The following TACR1 variants were observed in gnomAD, a reference collection of about 807,000 sequenced individuals.
TACR1 encodes substance-P receptor.
Under a neutral mutation model 35.8 loss-of-function variants are expected in TACR1, and 25 were observed. The observed-to-expected ratio is 0.70, with a 90% CI of 0.51 to 0.98. TACR1 has a LOEUF of 0.98. TACR1 is among the 50% of genes least tolerant of loss of function. The pLI, the probability that TACR1 is intolerant of heterozygous loss-of-function variation, is 0.00. For missense variants in TACR1, 478 were observed against 522.9 expected (o/e 0.91, Z 0.84); for synonymous variants, 195 against 206.7 (o/e 0.94, Z 0.48).
At chr2:75,193,802 A>G (rs1480473705) in intron 1 of TACR1, among the ~76,000 whole-genome samples, 2 of 152,200 alleles carry the variant, frequency 1.3e-5, no homozygotes, top group African/African-American at 2.4e-5. Flanking sequence ...TGTACAACCC[A>G]TATGAAACAT....
chr2:75,056,484 C>T (rs769368231), intron 2 of TACR1, among the ~76,000 whole-genome samples: 6 of 152,336 alleles, frequency 3.9e-5, no homozygotes, highest in East Asian at 1.9e-4. Context: ...CCTGTTTACC[C>T]GGCCTTGCCT....
intron 2 of TACR1, among the ~76,000 whole-genome samples, chr2:75,054,182 A>G (rs1055854900): frequency 3.5e-4 from 54 of 152,188 alleles, no homozygotes; most frequent in Non-Finnish European, 2.2e-4. Context: ...GGAAGTAATT[A>G]TACCACTCAA....
intron 1 of TACR1, among the ~76,000 whole-genome samples, chr2:75,152,037 G>A (rs113550257): frequency 2.0e-5 from 3 of 152,184 alleles, no homozygotes; most frequent in Admixed American, 2.0e-4. Context: ...CCCAATATCT[G>A]TACCCCCATT....
At chr2:75,160,224 G>C (rs918514223) in intron 1 of TACR1, among the ~76,000 whole-genome samples, 2 of 143,768 alleles carry the variant, frequency 1.4e-5, no homozygotes, top group Admixed American at 7.1e-5. Flanking sequence ...GCAGACCTTT[G>C]CACATTAAAG....
intron 4 of TACR1, 156 bp downstream of exon 4, chr2:75,051,095 C>T: frequency 1.1e-6 from 1 of 920,702 alleles, no homozygotes; most frequent in Non-Finnish European, 1.7e-6. Context: ...TGGTGATAAT[C>T]AGCCAGGCTG....
chr2:75,191,790 G>C (rs1311589392), intron 1 of TACR1, among the ~76,000 whole-genome samples: 1 of 152,138 alleles, frequency 6.6e-6, no homozygotes, highest in African/African-American at 2.4e-5. Context: ...TTAGATTTTG[G>C]CTGATGTGTG....
At chr2:75,133,258 C>T (rs927342990) in intron 1 of TACR1, among the ~76,000 whole-genome samples, 4 of 152,130 alleles carry the variant, frequency 2.6e-5, no homozygotes, top group African/African-American at 4.8e-5. Context: ...GTATCTTATT[C>T]GGCATTTTTT....
intron 2 of TACR1, among the ~76,000 whole-genome samples, chr2:75,095,360 G>A (rs1378996577): frequency 2.6e-5 from 4 of 152,160 alleles, no homozygotes; most frequent in Admixed American, 2.6e-4. Context: ...TGCTAGCATT[G>A]TATACTGCTC....
intron 1 of TACR1, among the ~76,000 whole-genome samples, chr2:75,195,780 C>T (rs897478876): frequency 4.0e-5 from 6 of 151,846 alleles, no homozygotes; most frequent in African/African-American, 1.5e-4. Context: ...GAAATGACTA[C>T]GTAAATAATA....
At chr2:75,118,612 G>C (rs1050561844) in intron 2 of TACR1, among the ~76,000 whole-genome samples, 2 of 152,086 alleles carry the variant, frequency 1.3e-5, no homozygotes, top group African/African-American at 4.8e-5. Context: ...TTTTGGAAAA[G>C]ACCCCAGAGA....
At chr2:75,111,458 A>C (rs1484659762) in intron 2 of TACR1, among the ~76,000 whole-genome samples, 3 of 152,056 alleles carry the variant, frequency 2.0e-5, no homozygotes, top group African/African-American at 7.2e-5. Context: ...GAGAAGCAGA[A>C]GGTTTAAGCA....
At chr2:75,191,356 T>G (rs974853202) in intron 1 of TACR1, among the ~76,000 whole-genome samples, 1 of 151,846 alleles carries the variant, frequency 6.6e-6, no homozygotes, top group East Asian at 1.9e-4. Flanking sequence ...CTGCTGCTAG[T>G]GGGGGGTGTT....
At chr2:75,100,814 C>T (rs1159333049) in intron 2 of TACR1, among the ~76,000 whole-genome samples, 1 of 152,122 alleles carries the variant, frequency 6.6e-6, no homozygotes, top group African/African-American at 2.4e-5. Flanking sequence ...TTCTTGGTAA[C>T]TATAAGGAAA....
intron 2 of TACR1, among the ~76,000 whole-genome samples, chr2:75,113,819 C>T (rs917438806): frequency 2.8e-4 from 42 of 152,160 alleles, no homozygotes; most frequent in African/African-American, 9.9e-4. Context: ...CCTAGAGCAG[C>T]TTGCCAAAGG....
intron 1 of TACR1, among the ~76,000 whole-genome samples, chr2:75,166,109 A>C (rs1344314874): frequency 6.6e-6 from 1 of 152,244 alleles, no homozygotes; most frequent in Non-Finnish European, 1.5e-5. Flanking sequence ...ACATGCAATC[A>C]TATAGGCACA....
intron 1 of TACR1, among the ~76,000 whole-genome samples, chr2:75,128,830 A>G (rs1161943260): frequency 1.3e-5 from 2 of 151,804 alleles, no homozygotes; most frequent in East Asian, 3.9e-4. Context: ...ATGGAATCTC[A>G]TGCTTGCATT....
chr2:75,180,240 T>C (rs1019639157), intron 1 of TACR1, among the ~76,000 whole-genome samples: 1 of 152,232 alleles, frequency 6.6e-6, no homozygotes, highest in Non-Finnish European at 1.5e-5. Flanking sequence ...TTTTATAGTT[T>C]ATTGCTTGGT....
rs149509678 is a variant in TACR1, at chr2:75,179,466, A to G, written c.389+19080T>C. On this transcript the variant is annotated intron_variant, in intron 1 of 4. Coordinates refer to ENST00000305249, the MANE Select transcript of TACR1 (RefSeq NM_001058.4). Reference sequence around the variant, plus strand: ...CAAATGATCTTTTAAAACTGTAGATAAGATCATGTCCCTTCCCTGCTAATA... The same window carrying G: ...CAAATGATCTTTTAAAACTGTAGATGAGATCATGTCCCTTCCCTGCTAATA... 6.0e-3 allele frequency among the ~76,000 whole-genome samples: 921 copies of G among 152,338 alleles called. 6 individuals are homozygous for G. Among genetic ancestry groups the G allele is most frequent in the African/African-American group, 0.021 (868 of 41,570 alleles).
At chr2:75,197,839 C>T (rs1009934852) in intron 1 of TACR1, among the ~76,000 whole-genome samples, 37 of 152,112 alleles carry the variant, frequency 2.4e-4, no homozygotes, top group African/African-American at 8.5e-4. Context: ...TTCCTGGATC[C>T]CTATCCGTGG....
Sources: allele counts gnomAD v4.1 joint callset (sites outside exome capture counted in the v4.1 genomes callset), GRCh38; gene constraint gnomAD v4.1.1; transcripts MANE v1.5; gene names NCBI Gene and HGNC (gene_info 2026-07-23, HGNC 2026-07-21).